Variants in DENND3 observed in about 807,000 individuals in gnomAD.
DENND3 encodes the protein DENN domain containing 3.
In DENND3, 88 loss-of-function variants were observed where a neutral mutation model predicts 135.1. The observed-to-expected ratio is 0.65, with a 90% CI of 0.55 to 0.78. DENND3 has a LOEUF of 0.78. Among genes scored for constraint, DENND3 ranks in the 30% least tolerant of loss-of-function variants. The pLI is 0.00. For synonymous variants in DENND3, 693 were observed against 712.3 expected, an observed-to-expected ratio of 0.97 and a Z score of 0.43; for missense variants, 1,392 against 1,688.4, an observed-to-expected ratio of 0.82 and a Z score of 3.08.
At position 141,180,770 on chromosome 8, in the gene DENND3, A is replaced by ACCCTGGAAACACTGAAGCATAAAATCAAC. The variant is rs774133897; in HGVS notation, c.2865_2893dup (p.Ser965TrpfsTer4). 6.3e-5 allele frequency: 101 copies of ACCCTGGAAACACTGAAGCATAAAATCAAC among 1,613,308 alleles called. No individual in the cohort carries two copies. Among genetic ancestry groups the ACCCTGGAAACACTGAAGCATAAAATCAAC allele is most frequent in the Non-Finnish European group, 8.4e-5 (99 of 1,179,726 alleles). On this transcript the variant is annotated frameshift_variant, in exon 17 of 23. Transcript: ENST00000519811. LOFTEE classifies it high-confidence loss of function. ...AGTGCCCATGACGCTTCCGGAGACA[A>ACCCTGGAAACACTGAAGCATAAAATCAAC]CCCTGGAAACACTGAAGCATAAAAT...
chr8:141,195,628 C>T lies in DENND3; in HGVS notation c.*1395C>T, dbSNP rs1178238371. 6.6e-6 allele frequency: 1 copy of T among 152,202 alleles called. No individual in the cohort carries two copies. Among genetic ancestry groups the T allele is most frequent in the Non-Finnish European group, 1.5e-5 (1 of 68,028 alleles). The allele number at this position is 152,202 out of a possible 1,614,324, so 9.4% of individuals were successfully genotyped here. ...TCCTCCCCCAAGGCTGTGCTTGCAG[C>T]CCGGGCACCTTCCCACTTTCTAGCT... On this transcript the variant is annotated 3_prime_UTR_variant, in exon 23 of 23. Coordinates refer to ENST00000519811, the MANE Select transcript of DENND3 (RefSeq NM_001352890.3).
rs1223078052 is a variant in DENND3, at chr8:141,139,873, A to G, written c.502-1330A>G. ...CCACAGCACTCATCTCTCCTTCTTC[A>G]CTATGTATCCGGATGACGCTATATC... On this transcript the variant is annotated intron_variant, in intron 3 of 22. Coordinates refer to ENST00000519811, the MANE Select transcript of DENND3 (RefSeq NM_001352890.3). This position sits in a 1 kb window ranked among gnomAD's most constrained non-coding sequence, Gnocchi z 4.2. 1.3e-5 allele frequency among the ~76,000 whole-genome samples: 2 copies of G among 150,244 alleles called. No individual in the cohort carries two copies. Among genetic ancestry groups the G allele is most frequent in the African/African-American group, 2.5e-5 (1 of 40,794 alleles).
chr8:141,139,517 C>T lies in DENND3; in HGVS notation c.501+1380C>T, dbSNP rs565971728. 6.6e-6 allele frequency among the ~76,000 whole-genome samples: 1 copy of T among 152,140 alleles called. No homozygotes were observed. The highest frequency in any genetic ancestry group is 2.4e-5 in the African/African-American group (1 of 41,420). On this transcript the variant is annotated intron_variant, in intron 3 of 22. Transcript: ENST00000519811. This position sits in a 1 kb window ranked among gnomAD's most constrained non-coding sequence, Gnocchi z 4.2. ...TCTGTGACCTGGCTGCCAGCAGCCC[C>T]AGGCCTTTCTTCCAGGGTTATGTTA...
At chr8:141,142,440 C>T (rs1430002605) in intron 4 of DENND3, 3 of 456,448 alleles carry the variant, frequency 6.6e-6, no homozygotes, top group Non-Finnish European at 1.3e-5. Flanking sequence ...ACCAGAGGGA[C>T]GAGCCCCATG....
At position 141,145,820 on chromosome 8, in the gene DENND3, TATATATATATATATATA is replaced by T. The variant is rs1817972870; in HGVS notation, c.735+1562_735+1578del. 1.1e-3 allele frequency among the ~76,000 whole-genome samples: 42 copies of T among 36,616 alleles called. 3 individuals are homozygous for T. Among genetic ancestry groups the T allele is most frequent in the African/African-American group, 3.7e-3 (36 of 9,662 alleles). 24.0% of individuals were successfully genotyped at this position (36,616 alleles called of 152,430 possible). A position where few individuals can be genotyped will look rare whatever the true frequency, so the allele number is the denominator to read the frequency against. ...ATTGAATATTATATATATATATATA[TATATATATATATATATA>T]TATATATATATATGTATTTTTTTTT... On this transcript the variant is annotated intron_variant, in intron 5 of 22. Coordinates refer to ENST00000519811, the MANE Select transcript of DENND3 (RefSeq NM_001352890.3).
At position 141,146,527 on chromosome 8, in the gene DENND3, C is replaced by T. The variant is rs1460644052; in HGVS notation, c.735+2268C>T. Among the ~76,000 whole-genome samples, 4 of 152,116 alleles carry T rather than the reference C, an allele frequency of 2.6e-5. No homozygotes were observed. Among genetic ancestry groups the T allele is most frequent in the African/African-American group, 4.8e-5 (2 of 41,408 alleles). ...ACGTCTCAAAATGTTTAGTAAATGTCGATTCAGTTTCATTGTGCTAGTCCT... is the reference window on the plus strand; with the variant it reads ...ACGTCTCAAAATGTTTAGTAAATGTTGATTCAGTTTCATTGTGCTAGTCCT... On this transcript the variant is annotated intron_variant, in intron 5 of 22. Transcript: ENST00000519811. This position sits in a 1 kb window ranked among gnomAD's most constrained non-coding sequence, Gnocchi z 4.3.
At chr8:141,151,897 C>T in intron 7 of DENND3, 60 bp downstream of exon 7, 3 of 1,586,822 alleles carry the variant, frequency 1.9e-6, no homozygotes, top group Non-Finnish European at 2.6e-6. Context: ...CACGGGGACA[C>T]ATGGGAAGAT....
rs946253430 is a variant in DENND3 at position 141,139,226 on chromosome 8, T to C, written c.501+1089T>C. ...GGATTCCCTCGGAGCCCGGGACACG[T>C]GTTTTTGTTGGTAGAAGCGTGCTTA... On this transcript the variant is annotated intron_variant, in intron 3 of 22. Coordinates refer to ENST00000519811, the MANE Select transcript of DENND3 (RefSeq NM_001352890.3). The surrounding 1 kb of genome is among the most constrained non-coding windows in gnomAD (Gnocchi z 4.2). 1.3e-5 allele frequency among the ~76,000 whole-genome samples: 2 copies of C among 152,152 alleles called. No individual in the cohort carries two copies. The highest frequency in any genetic ancestry group is 2.9e-5 in the Non-Finnish European group (2 of 68,024).
At chr8:141,142,094 G>T (rs1817531510) in intron 4 of DENND3, 1 of 309,894 alleles carries the variant, frequency 3.2e-6, no homozygotes, top group African/African-American at 2.3e-5. Flanking sequence ...GAGTAGAAAG[G>T]CTGAGGACGT....
rs992670895 is a variant in DENND3 at position 141,130,406 on chromosome 8, T to C, written c.102+1597T>C. Among the ~76,000 whole-genome samples, 1 of 151,982 alleles carries C rather than the reference T, an allele frequency of 6.6e-6. No individual in the cohort carries two copies. The highest frequency in any genetic ancestry group is 6.5e-5 in the Admixed American group (1 of 15,268). On this transcript the variant is annotated intron_variant, in intron 1 of 22. Transcript: ENST00000519811. This position sits in a 1 kb window ranked among gnomAD's most constrained non-coding sequence, Gnocchi z 4.2. ...CCTGAACTAAACACGCTGCAACATT[T>C]TCATGTTCCCAGGTCAAGTGAGAGT...
intron 7 of DENND3, 141 bp downstream of exon 7, chr8:141,151,978 T>A: frequency 9.6e-7 from 1 of 1,039,770 alleles, no homozygotes; most frequent in Non-Finnish European, 1.4e-6. Flanking sequence ...CCGTGAGAAG[T>A]GGCTGTTCAC....
rs753925045 is a variant in DENND3, at chr8:141,166,423, C to T, written c.1753+34C>T. 14 of 1,585,172 alleles carry T rather than the reference C, an allele frequency of 8.8e-6. No homozygotes were observed. The highest frequency in any genetic ancestry group is 5.6e-5 in the South Asian group (5 of 88,988). Reference sequence around the variant, plus strand: ...TGCCCCCCACTGTGGTGCTGTGTGTCGGTCCCACCATTCCTGCACCTGCAA... The same window carrying T: ...TGCCCCCCACTGTGGTGCTGTGTGTTGGTCCCACCATTCCTGCACCTGCAA... On this transcript the variant is annotated intron_variant, in intron 12 of 22. Transcript: ENST00000519811. The surrounding 1 kb of genome is among the most constrained non-coding windows in gnomAD (Gnocchi z 4.3).
intron 5 of DENND3, among the ~76,000 whole-genome samples, chr8:141,149,173 G>C (rs963277378): frequency 3.3e-5 from 5 of 152,164 alleles, no homozygotes; most frequent in Non-Finnish European, 4.4e-5. Context: ...GCCTCCCAAA[G>C]TGCTGGGATT....
chr8:141,145,877 C>A (rs1818064602), intron 5 of DENND3, among the ~76,000 whole-genome samples: 1 of 120,824 alleles, frequency 8.3e-6, no homozygotes, highest in African/African-American at 3.2e-5. Flanking sequence ...GAGGCGGAGT[C>A]TTGCTCTGTT....
At chr8:141,135,723 G>A (rs1816717004) in intron 1 of DENND3, among the ~76,000 whole-genome samples, 1 of 152,214 alleles carries the variant, frequency 6.6e-6, no homozygotes, top group South Asian at 2.1e-4. Context: ...AGAGATTGAA[G>A]GGATGGCCCA....
intron 9 of DENND3, among the ~76,000 whole-genome samples, chr8:141,162,229 C>A (rs1820223963): frequency 6.6e-6 from 1 of 152,120 alleles, no homozygotes; most frequent in Non-Finnish European, 1.5e-5. Flanking sequence ...TAGTGGGGTC[C>A]TAAATATGTT....
Position 141,166,043 on chromosome 8 carries a change from G to A in DENND3, c.1554-147G>A. 2 of 839,150 alleles carry A rather than the reference G, an allele frequency of 2.4e-6. No individual in the cohort carries two copies. Among genetic ancestry groups the A allele is most frequent in the South Asian group, 1.6e-5 (1 of 62,152 alleles). 52.0% of individuals were successfully genotyped at this position (839,150 alleles called of 1,614,324 possible). On this transcript the variant is annotated intron_variant, in intron 11 of 22. Coordinates refer to ENST00000519811, the MANE Select transcript of DENND3 (RefSeq NM_001352890.3). This position sits in a 1 kb window ranked among gnomAD's most constrained non-coding sequence, Gnocchi z 4.3. ...CCTGAGGCTGCACTTGGTGAGATTT[G>A]GGCAACATGTTCTTACCAGTCTGTT...
chr8:141,166,398 T>C lies in DENND3; in HGVS notation c.1753+9T>C. ...TAGGGGCAGCAGCGCAGGTGAGGGC[T>C]GCCCCCCACTGTGGTGCTGTGTGTC... is the stretch of plus-strand genomic sequence containing the variant. On this transcript the variant is annotated intron_variant, in intron 12 of 22. Coordinates refer to ENST00000519811, the MANE Select transcript of DENND3 (RefSeq NM_001352890.3). This position sits in a 1 kb window ranked among gnomAD's most constrained non-coding sequence, Gnocchi z 4.3. 2 of 1,608,194 alleles carry C rather than the reference T, an allele frequency of 1.2e-6. No individual in the cohort carries two copies. Among genetic ancestry groups the C allele is most frequent in the South Asian group, 1.1e-5 (1 of 90,930 alleles).
At chr8:141,129,901 C>T in intron 1 of DENND3, 1 of 152,270 alleles carries the variant, frequency 6.6e-6, no homozygotes, top group South Asian at 2.1e-4. Flanking sequence ...AAAAAGCATT[C>T]TCCTATGGAA....
Sources: gnomAD v4.1 joint callset for allele counts (sites outside exome capture counted in the v4.1 genomes callset) on GRCh38, gnomAD v4.1.1 for gene constraint, Gnocchi (gnomAD v3.1) non-coding constraint, MANE v1.5 for transcripts, NCBI Gene and HGNC (gene_info 2026-07-23, HGNC 2026-07-21) for gene names.